The following MUC22 variants were observed in gnomAD, a reference collection of about 807,000 sequenced individuals.
MUC22 encodes the protein mucin-22.
MUC22 carries 24 observed loss-of-function variants against 40.3 expected under a neutral mutation model. The observed-to-expected ratio is 0.60, with a 90% CI of 0.43 to 0.84. The LOEUF (loss-of-function observed/expected upper bound fraction) is 0.84, where lower values mean the gene tolerates loss of function less well. Ranked by LOEUF, MUC22 falls within the 40% of genes least tolerant of loss-of-function variation. The pLI, the probability that MUC22 is intolerant of heterozygous loss-of-function variation, is 0.00. For synonymous variants in MUC22, 765 were observed against 844.5 expected, an observed-to-expected ratio of 0.91 and a Z score of 1.63; for missense variants, 1,926 against 2,130.7, an observed-to-expected ratio of 0.90 and a Z score of 1.89.
upstream of MUC22, among the ~76,000 whole-genome samples, chr6:31,006,909 G>A (rs966505567): frequency 5.9e-5 from 9 of 152,088 alleles, no homozygotes; most frequent in African/African-American, 2.2e-4. Context: ...AGCACTTGGG[G>A]AGGCTGAGGC....
At chr6:31,028,477 A>G in exon 2 of MUC22, 1 of 1,534,246 alleles carries the variant, frequency 6.5e-7, no homozygotes. Context: ...TGAGACCACC[A>G]CAGCCTCTAC....
intron 1 of MUC22, among the ~76,000 whole-genome samples, chr6:31,015,621 T>A (rs1307457366): frequency 6.6e-6 from 1 of 152,228 alleles, no homozygotes; most frequent in East Asian, 1.9e-4. Flanking sequence ...AGGATGGATA[T>A]GATTTTTCTC....
Position 31,028,693 on chromosome 6 carries a change from TC to T in MUC22, c.3263del (p.Ser1088LeufsTer44). ...TGCAGGCTCTGAGACCATCCCAGCC[TC>T]TACAGCAGGCTCTGAGACCACCACC... On this transcript the variant is annotated frameshift_variant, in exon 2 of 4. Transcript: ENST00000561890. LOFTEE classifies it high-confidence loss of function. 1 of 1,531,430 alleles carries T rather than the reference TC, an allele frequency of 6.5e-7. No individual in the cohort carries two copies. Among genetic ancestry groups the T allele is most frequent in the African/African-American group, 1.4e-5 (1 of 72,080 alleles). The allele number at this position is 1,531,430 out of a possible 1,614,324, so 94.9% of individuals were successfully genotyped here.
At chr6:31,012,303 C>T (rs540256647) in intron 1 of MUC22, among the ~76,000 whole-genome samples, 1 of 152,294 alleles carries the variant, frequency 6.6e-6, no homozygotes, top group African/African-American at 2.4e-5. Context: ...CTCCCTCGCC[C>T]GCTTCAGCAC....
intron 1 of MUC22, among the ~76,000 whole-genome samples, chr6:31,015,637 T>C (rs972314084): frequency 2.6e-5 from 4 of 152,204 alleles, no homozygotes; most frequent in African/African-American, 9.7e-5. Context: ...TTCTCAGGAT[T>C]TTAAAGGCGT....
chr6:31,014,818 G>A (rs1005264906), intron 1 of MUC22, among the ~76,000 whole-genome samples: 2 of 152,086 alleles, frequency 1.3e-5, no homozygotes, highest in Admixed American at 6.5e-5. Flanking sequence ...CAAGGAGAGG[G>A]AAGAAAAACA....
exon 2 of MUC22, chr6:31,027,994 A>G: frequency 6.5e-7 from 1 of 1,533,032 alleles, no homozygotes; most frequent in Non-Finnish European, 8.7e-7. Context: ...AGATTCTGAG[A>G]ACACCACAGC....
upstream of MUC22, among the ~76,000 whole-genome samples, chr6:31,008,169 G>A (rs1470606706): frequency 2.6e-5 from 4 of 152,204 alleles, no homozygotes; most frequent in Admixed American, 2.6e-4. Context: ...CTCTGCAGCT[G>A]GACTGATAGT....
intron 1 of MUC22, among the ~76,000 whole-genome samples, chr6:31,016,676 G>A (rs115280147): frequency 0.021 from 3,274 of 152,338 alleles, 54 homozygotes; most frequent in Admixed American, 0.039. Flanking sequence ...CCTCGGCCTC[G>A]CCACCCATTC....
chr6:31,031,702 A>C (rs1387248510), intron 2 of MUC22, among the ~76,000 whole-genome samples: 2 of 151,716 alleles, frequency 1.3e-5, no homozygotes, highest in Non-Finnish European at 2.9e-5. Context: ...AGTCCATTGC[A>C]TCATTCTTAT....
chr6:31,009,016 T>C (rs1434536260), upstream of MUC22, among the ~76,000 whole-genome samples: 2 of 152,252 alleles, frequency 1.3e-5, no homozygotes, highest in African/African-American at 4.8e-5. Context: ...ATTTCTTTTC[T>C]GTGTGTGTTA....
chr6:31,030,778 T>A (rs1273788930), intron 2 of MUC22, among the ~76,000 whole-genome samples: 1 of 152,228 alleles, frequency 6.6e-6, no homozygotes, highest in Non-Finnish European at 1.5e-5. Context: ...TGCCACCTCC[T>A]ATCAATGTAT....
At chr6:31,025,027 G>T (rs1765163561) in intron 1 of MUC22, among the ~76,000 whole-genome samples, 1 of 147,812 alleles carries the variant, frequency 6.8e-6, no homozygotes, top group Non-Finnish European at 1.5e-5. Context: ...GCGCCACCAT[G>T]CCTGGCTAAT....
At chr6:31,029,456 G>C (rs767743081) in exon 2 of MUC22, 2 of 1,534,342 alleles carry the variant, frequency 1.3e-6, no homozygotes, top group African/African-American at 1.4e-5. Context: ...TCCACCTCAG[G>C]CTCTGGGACC....
At chr6:31,014,980 G>C (rs1300742061) in intron 1 of MUC22, among the ~76,000 whole-genome samples, 2 of 152,124 alleles carry the variant, frequency 1.3e-5, no homozygotes, top group Non-Finnish European at 2.9e-5. Flanking sequence ...AGGAGTGAAG[G>C]AAAGATTTAT....
chr6:31,022,542 A>C (rs1764935147), intron 1 of MUC22, among the ~76,000 whole-genome samples: 1 of 149,104 alleles, frequency 6.7e-6, no homozygotes, highest in African/African-American at 2.5e-5. Context: ...GGAAATGATA[A>C]ATATATGGGT....
At chr6:31,026,740 A>G (rs1173841678) in exon 2 of MUC22, 4 of 1,506,566 alleles carry the variant, frequency 2.7e-6, no homozygotes, top group Admixed American at 2.0e-5. Context: ...CTCGGAAACC[A>G]TCACACCCTC....
At chr6:31,022,186 G>A (rs540527986) in intron 1 of MUC22, among the ~76,000 whole-genome samples, 2 of 152,316 alleles carry the variant, frequency 1.3e-5, no homozygotes, top group Admixed American at 6.5e-5. Flanking sequence ...AACACTCACT[G>A]TGAGGGTCTG....
chr6:31,013,825 G>A (rs1164365667), intron 1 of MUC22, among the ~76,000 whole-genome samples: 2 of 152,228 alleles, frequency 1.3e-5, no homozygotes, highest in East Asian at 1.9e-4. Flanking sequence ...CATTGCACCC[G>A]GCCATAAATT....
Sources: gnomAD v4.1 joint callset for allele counts (sites outside exome capture counted in the v4.1 genomes callset) on GRCh38, gnomAD v4.1.1 for gene constraint, MANE v1.5 for transcripts, NCBI Gene and HGNC (gene_info 2026-07-23, HGNC 2026-07-21) for gene names.